The following NARS2 variants were observed in gnomAD, a reference collection of about 807,000 sequenced individuals.
NARS2 encodes the protein asparaginyl-tRNA synthetase 2, mitochondrial.
Under a neutral mutation model 62.9 loss-of-function variants are expected in NARS2, and 60 were observed. The ratio of observed to expected loss-of-function variants is 0.95; its 90% CI spans 0.77 to 1.18. The LOEUF (loss-of-function observed/expected upper bound fraction) is 1.18, where lower values mean the gene tolerates loss of function less well. Among genes scored for constraint, NARS2 ranks in the 50% most tolerant of loss-of-function variants. The pLI, the probability that NARS2 is intolerant of heterozygous loss-of-function variation, is 0.00. For synonymous variants in NARS2, 196 were observed against 200.0 expected, an observed-to-expected ratio of 0.98 and a Z score of 0.17; for missense variants, 619 against 576.4, an observed-to-expected ratio of 1.07 and a Z score of -0.76.
At chr11:78,475,580 C>CCT (rs1859056401) in intron 9 of NARS2, among the ~76,000 whole-genome samples, 3 of 93,986 alleles carry the variant, frequency 3.2e-5, no homozygotes, top group South Asian at 4.2e-4. Context: ...TATCATTTGA[C>CCT]TTTTTTTTTT....
chr11:78,510,322 CG>C (rs1341636661), intron 6 of NARS2, among the ~76,000 whole-genome samples: 8 of 151,964 alleles, frequency 5.3e-5, no homozygotes, highest in Admixed American at 5.2e-4. Context: ...AAAGAGAGCA[CG>C]GGTGGCTATA....
chr11:78,460,779 T>A (rs999646090), intron 11 of NARS2, among the ~76,000 whole-genome samples: 12 of 152,198 alleles, frequency 7.9e-5, no homozygotes, highest in African/African-American at 2.9e-4. Flanking sequence ...TGGCAGTCAA[T>A]GAGGCAGTCA....
intron 6 of NARS2, among the ~76,000 whole-genome samples, chr11:78,514,227 A>G (rs891392578): frequency 6.6e-5 from 10 of 152,120 alleles, no homozygotes; most frequent in African/African-American, 2.2e-4. Flanking sequence ...GACTCAATAA[A>G]TCCTCGACCC....
chr11:78,459,234 GT>G (rs559840194), intron 11 of NARS2, among the ~76,000 whole-genome samples: 10 of 148,860 alleles, frequency 6.7e-5, no homozygotes, highest in East Asian at 2.0e-4. Flanking sequence ...TCTGATGGTG[GT>G]TTTTTTTGTC....
chr11:78,571,435 G>T lies in NARS2; in HGVS notation c.151C>A (p.Arg51Ser). The T allele has an allele frequency of 6.2e-7, 1 of 1,609,682 alleles. No homozygotes were observed. The highest frequency in any genetic ancestry group is 1.1e-5 in the South Asian group (1 of 90,842). Residue 51 changes from arginine to serine, a missense_variant, in exon 2 of 14, where the codon CGT becomes AGT. Arg to Ser is a moderately radical substitution (Grantham distance 110, BLOSUM62 -1). Coordinates refer to ENST00000281038, the MANE Select transcript of NARS2 (RefSeq NM_024678.6). The stretch of plus-strand genomic sequence containing the variant: ...ACTTCCTTCTGGGATCGGACAGAAC[G>T]AATCCATCCCTAAGGAAGAGAAATA... Reference protein sequence around the residue: ...GERIKIQGWIRSVRSQKEVLF... With the variant: ...GERIKIQGWISSVRSQKEVLF...
intron 5 of NARS2, among the ~76,000 whole-genome samples, chr11:78,536,755 G>C (rs1855367754): frequency 1.3e-5 from 2 of 152,154 alleles, no homozygotes; most frequent in East Asian, 1.9e-4. Flanking sequence ...ATTTAGTGTA[G>C]CTTAAGTACA....
At chr11:78,500,325 T>C (rs906062640) in intron 6 of NARS2, among the ~76,000 whole-genome samples, 3 of 152,132 alleles carry the variant, frequency 2.0e-5, no homozygotes, top group Non-Finnish European at 4.4e-5. Flanking sequence ...AGTATATAAA[T>C]GTCATGGAGG....
intron 6 of NARS2, among the ~76,000 whole-genome samples, chr11:78,513,426 A>G (rs1425615334): frequency 2.0e-5 from 3 of 149,838 alleles, no homozygotes; most frequent in Admixed American, 6.7e-5. Flanking sequence ...TCTGGTAACC[A>G]TCTTATTCTC....
intron 11 of NARS2, among the ~76,000 whole-genome samples, chr11:78,452,129 A>G (rs1161616892): frequency 1.3e-5 from 2 of 151,132 alleles, no homozygotes; most frequent in Non-Finnish European, 2.9e-5. Flanking sequence ...AATTTTTTTG[A>G]GATGGAGTCT....
chr11:78,509,935 A>T (rs1286797210), intron 6 of NARS2, among the ~76,000 whole-genome samples: 1 of 152,108 alleles, frequency 6.6e-6, no homozygotes, highest in African/African-American at 2.4e-5. Context: ...TAATTTTAGG[A>T]TCTTCAATGT....
chr11:78,510,784 A>T (rs570413565), intron 6 of NARS2, among the ~76,000 whole-genome samples: 108 of 152,364 alleles, frequency 7.1e-4, no homozygotes, highest in African/African-American at 2.5e-3. Flanking sequence ...GCAAAAAAAG[A>T]GAACGAATTA....
chr11:78,483,217 C>T (rs1244054955), intron 7 of NARS2, among the ~76,000 whole-genome samples: 2 of 152,096 alleles, frequency 1.3e-5, no homozygotes, highest in East Asian at 1.9e-4. Flanking sequence ...TCTCAATAAA[C>T]TAGGTATTGA....
chr11:78,466,099 T>C (rs1365514781), intron 10 of NARS2, 86 bp from the exon 11 acceptor site: 18 of 1,389,528 alleles, frequency 1.3e-5, no homozygotes, highest in Non-Finnish European at 1.6e-5. Flanking sequence ...GCATCAATTC[T>C]AAGGGCTTCA....
chr11:78,540,595 C>T (rs566146866), intron 5 of NARS2, among the ~76,000 whole-genome samples: 13 of 152,318 alleles, frequency 8.5e-5, no homozygotes, highest in African/African-American at 3.1e-4. Flanking sequence ...GTTCTATTTA[C>T]TCATAATCCC....
At chr11:78,455,984 T>C (rs1039854130) in intron 11 of NARS2, among the ~76,000 whole-genome samples, 9 of 152,130 alleles carry the variant, frequency 5.9e-5, no homozygotes, top group Non-Finnish European at 1.2e-4. Flanking sequence ...AAATTTAATC[T>C]TTGTTAATCT....
Position 78,498,355 on chromosome 11 carries a change from C to T in NARS2, c.690-5160G>A, listed in dbSNP as rs527747621. Among the ~76,000 whole-genome samples the T allele has an allele frequency of 2.8e-3, 430 of 152,326 alleles. 2 individuals are homozygous for T. Among genetic ancestry groups the T allele is most frequent in the Non-Finnish European group, 5.4e-3 (368 of 68,022 alleles). On this transcript the variant is annotated intron_variant, in intron 6 of 13. Coordinates refer to ENST00000281038, the MANE Select transcript of NARS2 (RefSeq NM_024678.6). The stretch of plus-strand genomic sequence containing the variant: ...CTAAATACTGCTCTGACCTCTATTT[C>T]TGCCTCCTTTTACATGCCGCTTTAG...
At chr11:78,553,320 GCT>G (rs1447930431) in intron 5 of NARS2, among the ~76,000 whole-genome samples, 1 of 150,610 alleles carries the variant, frequency 6.6e-6, no homozygotes, top group African/African-American at 2.5e-5. Context: ...ACAAAATCTC[GCT>G]CTGTTACCTA....
At chr11:78,513,676 G>A (rs1860800874) in intron 6 of NARS2, among the ~76,000 whole-genome samples, 1 of 151,968 alleles carries the variant, frequency 6.6e-6, no homozygotes, top group Non-Finnish European at 1.5e-5. Context: ...TACTTGGGAG[G>A]CTGAGGCAGG....
intron 6 of NARS2, among the ~76,000 whole-genome samples, chr11:78,518,418 A>T (rs1047677792): frequency 2.0e-5 from 3 of 152,236 alleles, no homozygotes; most frequent in African/African-American, 7.2e-5. Context: ...AGTGATTATG[A>T]GGACATGGAG....
Sources: allele counts gnomAD v4.1 joint callset (sites outside exome capture counted in the v4.1 genomes callset), GRCh38; gene constraint gnomAD v4.1.1; transcripts MANE v1.5; gene names NCBI Gene and HGNC (gene_info 2026-07-23, HGNC 2026-07-21).